Variants in TPO observed in about 807,000 individuals in gnomAD.
The protein encoded by TPO is thyroid peroxidase.
In TPO, 78 loss-of-function variants were observed where a neutral mutation model predicts 96.9. That is an observed-to-expected ratio of 0.81 (90% CI 0.67 to 0.97). The LOEUF is 0.97. Ranked by LOEUF, TPO falls within the 50% of genes least tolerant of loss-of-function variation. The pLI is 0.00. For missense variants in TPO, 1,252 were observed against 1,274.8 expected, an observed-to-expected ratio of 0.98 and a Z score of 0.27; for synonymous variants, 547 against 538.0, an observed-to-expected ratio of 1.02 and a Z score of -0.23.
chr2:1,486,786 C>A (rs1671204716), intron 9 of TPO, among the ~76,000 whole-genome samples: 1 of 151,736 alleles, frequency 6.6e-6, no homozygotes, highest in African/African-American at 2.4e-5. Flanking sequence ...AGTTGACCGG[C>A]TCCAGGCGTA....
chr2:1,478,812 G>A (rs185898733), intron 8 of TPO, among the ~76,000 whole-genome samples: 1 of 124,184 alleles, frequency 8.1e-6, no homozygotes, highest in Non-Finnish European at 1.7e-5. Flanking sequence ...ATCCACACAG[G>A]AAACACGGCA....
chr2:1,440,928 C>T (rs1666122410), intron 5 of TPO, among the ~76,000 whole-genome samples: 1 of 151,006 alleles, frequency 6.6e-6, no homozygotes, highest in Non-Finnish European at 1.5e-5. Context: ...GGGCAGGGTC[C>T]TTCTTGTTTG....
At chr2:1,382,803 G>A (rs1432015153) in intron 1 of TPO, among the ~76,000 whole-genome samples, 1 of 151,910 alleles carries the variant, frequency 6.6e-6, no homozygotes, top group African/African-American at 2.4e-5. Context: ...ATGTATACAT[G>A]TACCATGTTG....
At chr2:1,427,771 G>T (rs931238888) in intron 3 of TPO, among the ~76,000 whole-genome samples, 1 of 152,158 alleles carries the variant, frequency 6.6e-6, no homozygotes, top group African/African-American at 2.4e-5. Flanking sequence ...CACTCCTTGA[G>T]CAGTAAATTC....
intron 5 of TPO, among the ~76,000 whole-genome samples, chr2:1,441,875 G>A (rs965306172): frequency 1.2e-4 from 19 of 152,326 alleles, no homozygotes; most frequent in African/African-American, 3.8e-4. Context: ...GCTCCATGGC[G>A]GGATGGTGAT....
At chr2:1,443,991 G>C (rs1666491596) in intron 5 of TPO, among the ~76,000 whole-genome samples, 1 of 138,238 alleles carries the variant, frequency 7.2e-6, no homozygotes, top group African/African-American at 2.8e-5. Flanking sequence ...TTGTTTGTAT[G>C]ATCCAATCAC....
At chr2:1,532,952 A>C (rs1678658709) in intron 15 of TPO, among the ~76,000 whole-genome samples, 1 of 108,182 alleles carries the variant, frequency 9.2e-6, no homozygotes, top group Non-Finnish European at 1.8e-5. Flanking sequence ...CAACCTCCTC[A>C]AATCCCCCCA....
chr2:1,444,331 A>G (rs1666538738), intron 5 of TPO, among the ~76,000 whole-genome samples: 1 of 149,500 alleles, frequency 6.7e-6, no homozygotes, highest in East Asian at 2.1e-4. Flanking sequence ...TGTATGATCC[A>G]ATCACTGCTG....
At chr2:1,421,509 A>T (rs988471375) in intron 2 of TPO, among the ~76,000 whole-genome samples, 1 of 152,194 alleles carries the variant, frequency 6.6e-6, no homozygotes, top group African/African-American at 2.4e-5. Flanking sequence ...AATGCCGGCA[A>T]CATCCCAAAA....
chr2:1,489,178 G>A (rs140215208), intron 10 of TPO, among the ~76,000 whole-genome samples: 40 of 142,166 alleles, frequency 2.8e-4, no homozygotes, highest in South Asian at 1.1e-3. Context: ...ACCTGCACAC[G>A]CCTGCACATA....
In TPO at chr2:1,400,568, C is replaced by CAAAAAA. The variant is rs34242408; in HGVS notation, n.180+26181_180+26186dup. ...TGGATAAAGAAGTGAGACTCTGTCT[C>CAAAAAA]AAAAAAAAAAAAAAAAAAAAGAAAT... On this transcript the variant is annotated intron_variant and non_coding_transcript_variant, in intron 1 of 5. Transcript: ENST00000497517. Among the ~76,000 whole-genome samples, 124 of 71,580 alleles carry CAAAAAA rather than the reference C, an allele frequency of 1.7e-3. 3 individuals are homozygous for CAAAAAA. Among genetic ancestry groups the CAAAAAA allele is most frequent in the African/African-American group, 6.0e-3 (110 of 18,202 alleles). 47.0% of individuals were successfully genotyped at this position (71,580 alleles called of 152,430 possible).
intron 1 of TPO, among the ~76,000 whole-genome samples, chr2:1,388,445 AG>A (rs1296623035): frequency 6.6e-6 from 1 of 152,144 alleles, no homozygotes; most frequent in African/African-American, 2.4e-5. Context: ...GCCGCCTTGC[AG>A]TTGGATCTCA....
intron 7 of TPO, among the ~76,000 whole-genome samples, chr2:1,466,437 A>C (rs750630441): frequency 6.6e-6 from 1 of 152,158 alleles, no homozygotes; most frequent in Admixed American, 6.5e-5. Flanking sequence ...CTGTTTCTCT[A>C]TCTTGTGGAG....
At chr2:1,458,618 G>T (rs565451780) in intron 7 of TPO, among the ~76,000 whole-genome samples, 3 of 152,088 alleles carry the variant, frequency 2.0e-5, no homozygotes, top group African/African-American at 4.8e-5. Context: ...GTGTGGGCAC[G>T]TGTGTTTATA....
At chr2:1,399,723 G>C (rs1662135413) in intron 1 of TPO, among the ~76,000 whole-genome samples, 1 of 152,142 alleles carries the variant, frequency 6.6e-6, no homozygotes, top group Non-Finnish European at 1.5e-5. Context: ...AGGGCCTGGG[G>C]CTCCTGCCTC....
chr2:1,390,862 C>G (rs1661989217), intron 1 of TPO, among the ~76,000 whole-genome samples: 1 of 152,156 alleles, frequency 6.6e-6, no homozygotes, highest in South Asian at 2.1e-4. Flanking sequence ...ATATCCTTTG[C>G]CTACTTTTTG....
intron 5 of TPO, among the ~76,000 whole-genome samples, chr2:1,449,090 C>G (rs906809081): frequency 6.6e-6 from 1 of 152,194 alleles, no homozygotes; most frequent in African/African-American, 2.4e-5. Flanking sequence ...CCTTAAAGCC[C>G]ATGAACAATT....
chr2:1,543,603 G>A lies in TPO; in HGVS notation c.*1129G>A, dbSNP rs537585898. 6.6e-6 allele frequency: 1 copy of A among 152,228 alleles called. No homozygotes were observed. Among genetic ancestry groups the A allele is most frequent in the African/African-American group, 2.4e-5 (1 of 41,532 alleles). The allele number at this position is 152,228 out of a possible 1,614,324, so 9.4% of individuals were successfully genotyped here. ...TAGGTGCCAGGCCATCCTGTTCTGTGTGTTCCCAAACTCTTAGTTTTGTTC... is the reference window on the plus strand; with the variant it reads ...TAGGTGCCAGGCCATCCTGTTCTGTATGTTCCCAAACTCTTAGTTTTGTTC... On this transcript the variant is annotated 3_prime_UTR_variant, in exon 17 of 17. Transcript: ENST00000329066.
At chr2:1,426,783 AG>A (rs1664455819) in intron 3 of TPO, among the ~76,000 whole-genome samples, 1 of 152,248 alleles carries the variant, frequency 6.6e-6, no homozygotes, top group African/African-American at 2.4e-5. Context: ...TTTGAGTAAA[AG>A]TTTTAATAAT....
Sources: allele counts gnomAD v4.1 joint callset (sites outside exome capture counted in the v4.1 genomes callset), GRCh38; gene constraint gnomAD v4.1.1; transcripts MANE v1.5; gene names NCBI Gene and HGNC (gene_info 2026-07-23, HGNC 2026-07-21).